The following ZCCHC7 variants were observed in gnomAD, a reference collection of about 807,000 sequenced individuals.
ZCCHC7 encodes zinc finger CCHC domain-containing protein 7.
In ZCCHC7, 35 loss-of-function variants were observed where a neutral mutation model predicts 52.0. The observed-to-expected ratio is 0.67, with a 90% CI of 0.51 to 0.89. The LOEUF is 0.89. ZCCHC7 is among the 40% of genes least tolerant of loss of function. The pLI is 0.00. For missense variants in ZCCHC7, 574 were observed against 649.1 expected, an observed-to-expected ratio of 0.88 and a Z score of 1.26; for synonymous variants, 217 against 221.5, an observed-to-expected ratio of 0.98 and a Z score of 0.18.
At chr9:37,120,679 CT>C in intron 1 of ZCCHC7, 56 bp downstream of exon 1, 1 of 380,484 alleles carries the variant, frequency 2.6e-6, no homozygotes. Context: ...CCTGCCTACC[CT>C]CCTTCTTGCC....
Position 37,178,374 on chromosome 9 carries a change from C to T in ZCCHC7, c.610+51432C>T, listed in dbSNP as rs372651967. Among the ~76,000 whole-genome samples the T allele has an allele frequency of 3.8e-4, 55 of 143,654 alleles. 1 individual carries two copies. In the South Asian group the frequency reaches 0.012, roughly 31 times the overall value. The allele number at this position is 143,654 out of a possible 152,430, so 94.2% of individuals were successfully genotyped here. A position where few individuals can be genotyped will look rare whatever the true frequency, so the allele number is the denominator to read the frequency against. On this transcript the variant is annotated intron_variant, in intron 2 of 8. Transcript: ENST00000336755. Reference sequence around the variant, plus strand: ...GTACCCCCACCTCCCCTCTCAAACCCATTGCTTCCCCACTGGCCGCCCCCT... The same window carrying T: ...GTACCCCCACCTCCCCTCTCAAACCTATTGCTTCCCCACTGGCCGCCCCCT...
At chr9:37,202,898 T>G (rs1263145017) in intron 2 of ZCCHC7, among the ~76,000 whole-genome samples, 1 of 152,278 alleles carries the variant, frequency 6.6e-6, no homozygotes, top group Non-Finnish European at 1.5e-5. Flanking sequence ...TAACTTGTTT[T>G]GGCACTAGAA....
chr9:37,319,873 A>T (rs1199245715), intron 5 of ZCCHC7, among the ~76,000 whole-genome samples: 1 of 152,144 alleles, frequency 6.6e-6, no homozygotes, highest in Non-Finnish European at 1.5e-5. Flanking sequence ...TTCTAACACC[A>T]TTTGTCGAAA....
At chr9:37,199,665 TG>T (rs1177998897) in intron 2 of ZCCHC7, among the ~76,000 whole-genome samples, 110 of 124,562 alleles carry the variant, frequency 8.8e-4, no homozygotes, top group African/African-American at 2.4e-3. Flanking sequence ...TCTGTCTGTC[TG>T]TCTTTCTCTC....
chr9:37,120,420 T>G (rs567992256), upstream of ZCCHC7: 156 of 393,894 alleles, frequency 4.0e-4, no homozygotes, highest in African/African-American at 2.1e-3. Flanking sequence ...CAGAGAACGG[T>G]TCGCACCCAC....
At chr9:37,174,608 A>T (rs1395021621) in intron 2 of ZCCHC7, among the ~76,000 whole-genome samples, 1 of 152,166 alleles carries the variant, frequency 6.6e-6, no homozygotes, top group Non-Finnish European at 1.5e-5. Flanking sequence ...AGAATGTTAT[A>T]ATATAACAAG....
At position 37,304,180 on chromosome 9, in the gene ZCCHC7, T is replaced by C. The variant is rs546323390; in HGVS notation, c.655-8T>C. ...ATTTTTTTAATTCTTGATTTTTTTTTCCCTTAGGCCCAGATAGCTAATAAC... is the reference window on the plus strand; with the variant it reads ...ATTTTTTTAATTCTTGATTTTTTTTCCCCTTAGGCCCAGATAGCTAATAAC... On this transcript the variant is annotated splice_region_variant and splice_polypyrimidine_tract_variant and intron_variant, in intron 3 of 8. Coordinates refer to ENST00000336755, the MANE Select transcript of ZCCHC7 (RefSeq NM_032226.3). 6.3e-5 allele frequency: 100 copies of C among 1,588,688 alleles called. 2 individuals are homozygous for C. The South Asian group carries it at 1.1e-3, about 17-fold the overall frequency.
chr9:37,248,523 ATTGT>A (rs1462830169), intron 2 of ZCCHC7, among the ~76,000 whole-genome samples: 1 of 152,170 alleles, frequency 6.6e-6, no homozygotes, highest in African/African-American at 2.4e-5. Flanking sequence ...ACCCAATAAC[ATTGT>A]TTGGGAGCCA....
intron 2 of ZCCHC7, among the ~76,000 whole-genome samples, chr9:37,150,901 C>T (rs949887418): frequency 1.3e-5 from 2 of 150,640 alleles, no homozygotes; most frequent in African/African-American, 4.9e-5. Context: ...CAGGTGTTTT[C>T]TGTGAATCTC....
chr9:37,164,305 C>T (rs1047583156), intron 2 of ZCCHC7, among the ~76,000 whole-genome samples: 2 of 151,966 alleles, frequency 1.3e-5, no homozygotes, highest in African/African-American at 2.4e-5. Context: ...ATTAGCCAGG[C>T]ATGATACTGT....
intron 2 of ZCCHC7, among the ~76,000 whole-genome samples, chr9:37,129,649 T>C (rs1245421208): frequency 6.6e-6 from 1 of 152,166 alleles, no homozygotes; most frequent in East Asian, 1.9e-4. Context: ...ACAGTATCCA[T>C]AATTATTTTG....
At chr9:37,324,239 G>A (rs1273612522) in intron 5 of ZCCHC7, among the ~76,000 whole-genome samples, 1 of 152,188 alleles carries the variant, frequency 6.6e-6, no homozygotes. Context: ...AATTGTAGTT[G>A]TCGTGTCAGA....
At chr9:37,242,785 T>C in intron 2 of ZCCHC7, among the ~76,000 whole-genome samples, 2 of 151,972 alleles carry the variant, frequency 1.3e-5, no homozygotes, top group South Asian at 4.1e-4. Context: ...ACATATTTTA[T>C]CTATTAAGAA....
chr9:37,282,580 G>A (rs1828013585), intron 2 of ZCCHC7, among the ~76,000 whole-genome samples: 1 of 145,890 alleles, frequency 6.9e-6, no homozygotes, highest in Admixed American at 6.9e-5. Context: ...ATTCCAGCCT[G>A]GGAGACAGAG....
At chr9:37,348,316 C>T (rs963109769) in intron 6 of ZCCHC7, among the ~76,000 whole-genome samples, 1 of 149,042 alleles carries the variant, frequency 6.7e-6, no homozygotes. Flanking sequence ...TCATTCCCCA[C>T]GTCTTTTCAA....
chr9:37,150,750 G>C (rs985184117), intron 2 of ZCCHC7, among the ~76,000 whole-genome samples: 1 of 152,052 alleles, frequency 6.6e-6, no homozygotes, highest in Non-Finnish European at 1.5e-5. Context: ...CATATTTAAT[G>C]AGTAATAATT....
chr9:37,120,733 A>G (rs1404354388), intron 1 of ZCCHC7, 110 bp downstream of exon 1: 3 of 355,750 alleles, frequency 8.4e-6, no homozygotes, highest in Admixed American at 4.7e-5. Flanking sequence ...GCCGGCCTCG[A>G]CGTCTCCCGT....
In ZCCHC7 at chr9:37,291,407, A is replaced by T. The variant is rs561372306; in HGVS notation, c.611-10781A>T. On this transcript the variant is annotated intron_variant, in intron 2 of 8. Transcript: ENST00000336755. ...ATTCTCATAGTTACTCATTCAACAGAACATTGTTCATCACACAATATATGA... is the reference window on the plus strand; with the variant it reads ...ATTCTCATAGTTACTCATTCAACAGTACATTGTTCATCACACAATATATGA... 3.9e-5 allele frequency among the ~76,000 whole-genome samples: 6 copies of T among 152,114 alleles called. 2 individuals are homozygous for T. In the Middle Eastern group the frequency reaches 0.014, roughly 345 times the overall value.
rs1419929923 is a variant in ZCCHC7, at chr9:37,357,847, C to T, written c.*579C>T. On this transcript the variant is annotated 3_prime_UTR_variant, in exon 9 of 9. Transcript: ENST00000336755. Reference sequence around the variant, plus strand: ...GAAGAGGCAGGGAATTGAGCTTCAGCAAAATACAGGAAAAGAACTATCCAG... The same window carrying T: ...GAAGAGGCAGGGAATTGAGCTTCAGTAAAATACAGGAAAAGAACTATCCAG... 1 of 151,964 alleles carries T rather than the reference C, an allele frequency of 6.6e-6. No individual in the cohort carries two copies. Among genetic ancestry groups the T allele is most frequent in the Non-Finnish European group, 1.5e-5 (1 of 68,008 alleles). 9.4% of individuals were successfully genotyped at this position (151,964 alleles called of 1,614,324 possible).
Sources: gnomAD v4.1 joint callset for allele counts (sites outside exome capture counted in the v4.1 genomes callset) on GRCh38, gnomAD v4.1.1 for gene constraint, MANE v1.5 for transcripts, NCBI Gene and HGNC (gene_info 2026-07-23, HGNC 2026-07-21) for gene names.